The following SLC4A4 variants were observed in gnomAD, a reference collection of about 807,000 sequenced individuals.
SLC4A4 encodes the protein solute carrier family 4 member 4, also known as electrogenic sodium bicarbonate cotransporter 1.
SLC4A4 carries 27 observed loss-of-function variants against 111.5 expected under a neutral mutation model. That is an observed-to-expected ratio of 0.24 (90% CI 0.18 to 0.33). SLC4A4 has a LOEUF of 0.33. Among genes scored for constraint, SLC4A4 ranks in the 10% least tolerant of loss-of-function variants. The pLI is 1.00. For missense variants in SLC4A4, 909 were observed against 1,315.5 expected (o/e 0.69, Z 4.78); for synonymous variants, 443 against 463.4 (o/e 0.96, Z 0.57).
chr4:71,377,701 CTG>C (rs1560454565), intron 6 of SLC4A4, among the ~76,000 whole-genome samples: 1 of 152,322 alleles, frequency 6.6e-6, no homozygotes, highest in East Asian at 1.9e-4. Context: ...CTTCTCTCAT[CTG>C]TGTTTCCACA....
chr4:71,508,630 C>A (rs1211372590), intron 16 of SLC4A4, among the ~76,000 whole-genome samples: 2 of 152,046 alleles, frequency 1.3e-5, no homozygotes, highest in East Asian at 3.9e-4. Flanking sequence ...GCCCAACAAC[C>A]CGAAAAAGCC....
intron 14 of SLC4A4, among the ~76,000 whole-genome samples, chr4:71,475,796 A>G (rs1728314065): frequency 6.6e-6 from 1 of 151,928 alleles, no homozygotes. Flanking sequence ...GCTATTACAG[A>G]TAAAATTCTT....
intron 1 of SLC4A4, among the ~76,000 whole-genome samples, chr4:71,076,946 C>A (rs2148932690): frequency 6.6e-6 from 1 of 151,806 alleles, no homozygotes; most frequent in East Asian, 1.9e-4. Flanking sequence ...GTTATGATTG[C>A]ATCACTGCAC....
chr4:71,503,942 C>T (rs28801405), intron 16 of SLC4A4, among the ~76,000 whole-genome samples: 20,261 of 152,154 alleles, frequency 0.13, 1,703 homozygotes, highest in South Asian at 0.3. Flanking sequence ...TATTGGCTAA[C>T]AGTTGGTTTT....
At chr4:71,492,399 A>G (rs1051559193) in intron 15 of SLC4A4, among the ~76,000 whole-genome samples, 1 of 151,964 alleles carries the variant, frequency 6.6e-6, no homozygotes, top group Non-Finnish European at 1.5e-5. Flanking sequence ...CACTCAGTAT[A>G]ACAGGGTAAT....
chr4:71,207,011 C>T (rs1717810674), intron 1 of SLC4A4, among the ~76,000 whole-genome samples: 1 of 152,038 alleles, frequency 6.6e-6, no homozygotes, highest in South Asian at 2.1e-4. Flanking sequence ...ATGTGCTCCT[C>T]TTCTGTAAAA....
intron 1 of SLC4A4, among the ~76,000 whole-genome samples, chr4:71,091,954 G>A (rs1196884914): frequency 6.6e-6 from 1 of 152,146 alleles, no homozygotes; most frequent in African/African-American, 2.4e-5. Context: ...GCCTTACGGA[G>A]TAGTAACATT....
intron 12 of SLC4A4, among the ~76,000 whole-genome samples, chr4:71,459,441 G>T (rs1199997982): frequency 6.6e-6 from 1 of 151,928 alleles, no homozygotes; most frequent in Non-Finnish European, 1.5e-5. Flanking sequence ...AAATTCATGT[G>T]TATACAGATA....
At chr4:71,261,543 T>C (rs1442569090) in intron 3 of SLC4A4, among the ~76,000 whole-genome samples, 4 of 152,250 alleles carry the variant, frequency 2.6e-5, no homozygotes. Context: ...TGTTGTGTTT[T>C]GTGTGGTACA....
chr4:71,080,348 G>A (rs1741959206), intron 1 of SLC4A4, among the ~76,000 whole-genome samples: 1 of 152,048 alleles, frequency 6.6e-6, no homozygotes, highest in Non-Finnish European at 1.5e-5. Context: ...GATGTCAACT[G>A]ATGGGACCCC....
intron 15 of SLC4A4, among the ~76,000 whole-genome samples, chr4:71,496,276 G>A (rs1034895407): frequency 3.3e-5 from 5 of 152,016 alleles, no homozygotes; most frequent in Non-Finnish European, 5.9e-5. Flanking sequence ...CAAGTAAGTC[G>A]GCTGTTATAG....
chr4:71,076,202 A>C (rs1269597707), intron 1 of SLC4A4, among the ~76,000 whole-genome samples: 1 of 152,082 alleles, frequency 6.6e-6, no homozygotes, highest in Non-Finnish European at 1.5e-5. Context: ...TAGTCCCGAG[A>C]ATGTTATCTG....
chr4:71,288,728 G>T (rs943241432), intron 3 of SLC4A4, among the ~76,000 whole-genome samples: 2 of 152,012 alleles, frequency 1.3e-5, no homozygotes, highest in Admixed American at 6.6e-5. Context: ...GGGCTTTGAA[G>T]GGTGTTGTGA....
chr4:71,245,112 C>G (rs970642098), intron 2 of SLC4A4, among the ~76,000 whole-genome samples: 1 of 151,916 alleles, frequency 6.6e-6, no homozygotes, highest in Non-Finnish European at 1.5e-5. Context: ...GTGTGAAGGT[C>G]CAGAGGTGAG....
At position 71,180,214 on chromosome 4, in the gene SLC4A4, G is replaced by A. The variant is rs191885811; in HGVS notation, c.-1-56362G>A. Among the ~76,000 whole-genome samples, 774 of 152,146 alleles carry A rather than the reference G, an allele frequency of 5.1e-3. 9 individuals carry two copies. The highest frequency in any genetic ancestry group is 0.018 in the African/African-American group (729 of 41,508). On this transcript the variant is annotated intron_variant, in intron 2 of 26. Coordinates refer to the SLC4A4 transcript ENST00000649996. Reference sequence around the variant, plus strand: ...CAAAAATTAATTCAAGATGGATTAAGGACTTACAGGTTAGACCTAAAACCA... The same window carrying A: ...CAAAAATTAATTCAAGATGGATTAAAGACTTACAGGTTAGACCTAAAACCA...
At chr4:71,215,734 C>T (rs1420694822) in intron 1 of SLC4A4, among the ~76,000 whole-genome samples, 4 of 152,062 alleles carry the variant, frequency 2.6e-5, no homozygotes, top group African/African-American at 4.8e-5. Flanking sequence ...TGTGTGCTGC[C>T]GTGATGATCA....
At chr4:71,529,952 T>C (rs1471199516) in intron 16 of SLC4A4, among the ~76,000 whole-genome samples, 1 of 152,128 alleles carries the variant, frequency 6.6e-6, no homozygotes, top group Non-Finnish European at 1.5e-5. Context: ...GACATACTCC[T>C]GAACTGCTTC....
intron 14 of SLC4A4, among the ~76,000 whole-genome samples, chr4:71,480,541 T>C (rs1183354489): frequency 6.6e-6 from 1 of 151,732 alleles, no homozygotes; most frequent in East Asian, 1.9e-4. Context: ...ATTAAAAGCA[T>C]ACATATTTAA....
chr4:71,437,413 C>A, intron 7 of SLC4A4: 1 of 301,580 alleles, frequency 3.3e-6, no homozygotes, highest in South Asian at 3.2e-5. Flanking sequence ...TCGGGTAATA[C>A]TGGAAATAAT....
Sources: gnomAD v4.1 joint callset for allele counts (sites outside exome capture counted in the v4.1 genomes callset) on GRCh38, gnomAD v4.1.1 for gene constraint, MANE v1.5 for transcripts, NCBI Gene and HGNC (gene_info 2026-07-23, HGNC 2026-07-21) for gene names.